ZNF681: variants seen among roughly 807,000 people sequenced by gnomAD.
ZNF681 encodes the protein zinc finger protein 681, also known as hypothetical protein FLJ31526.
In ZNF681, 37 loss-of-function variants were observed where a neutral mutation model predicts 56.0. The ratio of observed to expected loss-of-function variants is 0.66; its 90% CI spans 0.51 to 0.87. The LOEUF (loss-of-function observed/expected upper bound fraction) is 0.87. Ranked by LOEUF, ZNF681 falls within the 40% of genes least tolerant of loss-of-function variation. ZNF681 has a pLI of 0.00. For synonymous variants in ZNF681, 225 were observed against 248.6 expected, an observed-to-expected ratio of 0.91 and a Z score of 0.89; for missense variants, 741 against 744.9, an observed-to-expected ratio of 0.99 and a Z score of 0.06.
chr19:23,740,272 T>C lies in ZNF681; in HGVS notation c.*3340A>G, dbSNP rs1486146803. Reference sequence around the variant, plus strand: ...TCTCATCAAAACCTACAATATACCATGTGAAATGACATGGTGTGAAGAGAA... The same window carrying C: ...TCTCATCAAAACCTACAATATACCACGTGAAATGACATGGTGTGAAGAGAA... On this transcript the variant is annotated 3_prime_UTR_variant, in exon 4 of 4. Transcript: ENST00000402377. 1.3e-5 allele frequency: 2 copies of C among 152,050 alleles called. No individual in the cohort carries two copies. Among genetic ancestry groups the C allele is most frequent in the African/African-American group, 4.8e-5 (2 of 41,408 alleles). The allele number at this position is 152,050 out of a possible 1,614,324, so 9.4% of individuals were successfully genotyped here. A position where few individuals can be genotyped will look rare whatever the true frequency, so the allele number is the denominator to read the frequency against.
rs1968892344 is a variant in ZNF681, at chr19:23,743,195, A to T, written c.*417T>A. The T allele has an allele frequency of 6.5e-6, 1 of 152,902 alleles. No homozygotes were observed. The highest frequency in any genetic ancestry group is 2.1e-4 in the South Asian group (1 of 4,842). The allele number at this position is 152,902 out of a possible 1,614,324, so 9.5% of individuals were successfully genotyped here. A position where few individuals can be genotyped will look rare whatever the true frequency, so the allele number is the denominator to read the frequency against. On this transcript the variant is annotated 3_prime_UTR_variant, in exon 4 of 4. Coordinates refer to ENST00000402377, the MANE Select transcript of ZNF681 (RefSeq NM_138286.3). ...ATTTCCTTATGTTGCACAAAGTTTA[A>T]GCAACTGCTCCATGGTTTTCCTCTA...
At chr19:23,747,366 G>T (rs369797860) in intron 3 of ZNF681, among the ~76,000 whole-genome samples, 1 of 151,896 alleles carries the variant, frequency 6.6e-6, no homozygotes, top group African/African-American at 2.4e-5. Flanking sequence ...GTGGCCGGGC[G>T]CGGTGGCTCA....
rs61738942 is a variant in ZNF681, at chr19:23,743,977, T to C, written c.1573A>G (p.Lys525Glu). Residue 525 changes from lysine (K) to glutamate (E), a missense_variant, in exon 4 of 4, where the codon AAG becomes GAG. Coordinates refer to ENST00000402377, the MANE Select transcript of ZNF681 (RefSeq NM_138286.3). ...GGTTTCTCTCCAGTATGAATTTTCTTATGTTCAGTAAGTTTTGAGGATCGA... is the reference window on the plus strand; with the variant it reads ...GGTTTCTCTCCAGTATGAATTTTCTCATGTTCAGTAAGTTTTGAGGATCGA... Reference protein sequence around the residue: ...FYRSSKLTEHKKIHTGEKPYT... With the variant: ...FYRSSKLTEHEKIHTGEKPYT... 848 of 1,612,978 alleles carry C rather than the reference T, an allele frequency of 5.3e-4. 3 individuals carry two copies. In the African/African-American group the frequency reaches 0.011, roughly 20 times the overall value.
rs980208039 is a variant in ZNF681 at position 23,743,342 on chromosome 19, A to G, written c.*270T>C. On this transcript the variant is annotated 3_prime_UTR_variant, in exon 4 of 4. Coordinates refer to ENST00000402377, the MANE Select transcript of ZNF681 (RefSeq NM_138286.3). ...TTTAGAGGCTTATATTTTCTGAAAG[A>G]TTTTTGACAGTAATTGCATGTATAA... 4.2e-6 allele frequency: 1 copy of G among 239,786 alleles called. No individual in the cohort carries two copies. Among genetic ancestry groups the G allele is most frequent in the Non-Finnish European group, 7.9e-6 (1 of 125,976 alleles). 14.9% of individuals were successfully genotyped at this position (239,786 alleles called of 1,614,324 possible).
chr19:23,758,645 G>A lies in ZNF681; in HGVS notation c.3+102C>T, dbSNP rs568143065. 1.9e-6 allele frequency: 3 copies of A among 1,576,216 alleles called. No individual in the cohort carries two copies. In the East Asian group the frequency reaches 6.7e-5, roughly 35 times the overall value. ...CCAAGTGGACTGAGGCCGCCTGGGCGAGGAGAACTCAGGGCGCAAATTGTG... is the reference window on the plus strand; with the variant it reads ...CCAAGTGGACTGAGGCCGCCTGGGCAAGGAGAACTCAGGGCGCAAATTGTG... On this transcript the variant is annotated intron_variant, in intron 1 of 3. Coordinates refer to ENST00000402377, the MANE Select transcript of ZNF681 (RefSeq NM_138286.3).
At chr19:23,756,829 A>C (rs896228228) in intron 1 of ZNF681, among the ~76,000 whole-genome samples, 1 of 152,102 alleles carries the variant, frequency 6.6e-6, no homozygotes, top group South Asian at 2.1e-4. Context: ...AATATATTAT[A>C]AAAGACTATA....
chr19:23,754,549 C>G (rs1344126204), intron 3 of ZNF681, among the ~76,000 whole-genome samples: 2 of 152,078 alleles, frequency 1.3e-5, no homozygotes, highest in Admixed American at 1.3e-4. Flanking sequence ...ACCTGTAGTC[C>G]CAGTTACTTG....
rs1400064663 is a variant in ZNF681 at position 23,741,864 on chromosome 19, C to T, written c.*1748G>A. The T allele has an allele frequency of 1.3e-5, 2 of 151,892 alleles. No homozygotes were observed. Among genetic ancestry groups the T allele is most frequent in the Non-Finnish European group, 2.9e-5 (2 of 67,992 alleles). 9.4% of individuals were successfully genotyped at this position (151,892 alleles called of 1,614,324 possible). On this transcript the variant is annotated 3_prime_UTR_variant, in exon 4 of 4. Transcript: ENST00000402377. Reference sequence around the variant, plus strand: ...AAATATGCCATATATGCCATATTTACACATACTATGTACCCACAAAAATTA... The same window carrying T: ...AAATATGCCATATATGCCATATTTATACATACTATGTACCCACAAAAATTA...
chr19:23,750,825 T>TA (rs56245204), intron 3 of ZNF681, among the ~76,000 whole-genome samples: 123,689 of 128,810 alleles, frequency 0.96, 59,462 homozygotes, highest in Non-Finnish European at 0.98. Flanking sequence ...ACCGCATCTC[T>TA]AAAAAAAAAA....
intron 3 of ZNF681, among the ~76,000 whole-genome samples, chr19:23,747,887 T>A (rs897673761): frequency 4.6e-5 from 7 of 152,064 alleles, no homozygotes; most frequent in African/African-American, 1.7e-4. Flanking sequence ...GATTAAATAA[T>A]CTTTTACAAC....
At chr19:23,748,464 C>G (rs987315522) in intron 3 of ZNF681, among the ~76,000 whole-genome samples, 7 of 152,180 alleles carry the variant, frequency 4.6e-5, no homozygotes, top group Admixed American at 2.0e-4. Context: ...TGCAGTTGTG[C>G]AAGCCTGCAC....
intron 3 of ZNF681, among the ~76,000 whole-genome samples, chr19:23,748,521 T>C (rs946480555): frequency 6.6e-6 from 1 of 152,146 alleles, no homozygotes; most frequent in Non-Finnish European, 1.5e-5. Context: ...CCTATCTCCT[T>C]TACTCAATAA....
chr19:23,758,761 C>T lies in ZNF681; in HGVS notation c.-12G>A. 3 of 1,614,188 alleles carry T rather than the reference C, an allele frequency of 1.9e-6. No homozygotes were observed. The highest frequency in any genetic ancestry group is 8.5e-7 in the Non-Finnish European group (1 of 1,180,030). On this transcript the variant is annotated 5_prime_UTR_variant, in exon 1 of 4. Coordinates refer to ENST00000402377, the MANE Select transcript of ZNF681 (RefSeq NM_138286.3). ...GACATTCTCACCATTTCTAGGTTTCCGGGGGACCTGGCGTCTTAGCTATGG... is the reference window on the plus strand; with the variant it reads ...GACATTCTCACCATTTCTAGGTTTCTGGGGGACCTGGCGTCTTAGCTATGG...
intron 3 of ZNF681, among the ~76,000 whole-genome samples, chr19:23,750,171 G>A (rs969206059): frequency 6.6e-6 from 1 of 151,382 alleles, no homozygotes; most frequent in African/African-American, 2.4e-5. Flanking sequence ...TGTAATCCCA[G>A]CTACTCGGTG....
At chr19:23,748,822 A>C (rs1044997538) in intron 3 of ZNF681, among the ~76,000 whole-genome samples, 1 of 152,210 alleles carries the variant, frequency 6.6e-6, no homozygotes, top group Admixed American at 6.5e-5. Flanking sequence ...CGTGAAAAAA[A>C]CTCAAACCAA....
In ZNF681 at chr19:23,744,358, C is replaced by G; in HGVS notation, c.1192G>C (p.Glu398Gln). 1 of 1,613,818 alleles carries G rather than the reference C, an allele frequency of 6.2e-7. No homozygotes were observed. The highest frequency in any genetic ancestry group is 1.3e-5 in the African/African-American group (1 of 75,002). ...HTGEKPYKCE[E>Q]CGKAFNKSSH... is the part of the protein sequence containing the mutation. Reference sequence around the variant, plus strand: ...GACTTGTTAAAAGCTTTGCCACATTCTTCACATTTGTAGGGTTTCTCTCCA... The same window carrying G: ...GACTTGTTAAAAGCTTTGCCACATTGTTCACATTTGTAGGGTTTCTCTCCA... The change falls in exon 4 of 4, where the codon GAA (glutamate) becomes CAA (glutamine). Residue 398 changes from glutamate (E) to glutamine (Q), a missense_variant. Glu to Gln is a conservative substitution (Grantham distance 29, BLOSUM62 2). Transcript: ENST00000402377.
At chr19:23,748,536 A>G (rs1968978926) in intron 3 of ZNF681, among the ~76,000 whole-genome samples, 1 of 152,082 alleles carries the variant, frequency 6.6e-6, no homozygotes, top group Non-Finnish European at 1.5e-5. Context: ...CAATAAATAC[A>G]AAGGGGTATA....
chr19:23,746,055 C>T (rs1158507272), intron 3 of ZNF681, among the ~76,000 whole-genome samples: 1 of 152,074 alleles, frequency 6.6e-6, no homozygotes, highest in Non-Finnish European at 1.5e-5. Context: ...TGGCTCATGC[C>T]TGTAATCACA....
chr19:23,742,702 C>T lies in ZNF681; in HGVS notation c.*910G>A, dbSNP rs765489847. On this transcript the variant is annotated 3_prime_UTR_variant, in exon 4 of 4. Coordinates refer to ENST00000402377, the MANE Select transcript of ZNF681 (RefSeq NM_138286.3). ...AAAAAAGGTCGTAAATAATGCACAC[C>T]TAATAACAAAGAATCTCTCATCTTT... 2.1e-5 allele frequency: 3 copies of T among 145,664 alleles called. No homozygotes were observed. Among genetic ancestry groups the T allele is most frequent in the African/African-American group, 7.6e-5 (3 of 39,336 alleles). 9.0% of individuals were successfully genotyped at this position (145,664 alleles called of 1,614,324 possible). A position where few individuals can be genotyped will look rare whatever the true frequency, so the allele number is the denominator to read the frequency against.
Sources: gnomAD v4.1 joint callset for allele counts (sites outside exome capture counted in the v4.1 genomes callset) on GRCh38, gnomAD v4.1.1 for gene constraint, MANE v1.5 for transcripts, NCBI Gene and HGNC (gene_info 2026-07-23, HGNC 2026-07-21) for gene names.